Variants in GIPR observed in about 807,000 individuals in gnomAD.
GIPR encodes the protein GIP-R.
GIPR carries 74 observed loss-of-function variants against 62.2 expected under a neutral mutation model. That is an observed-to-expected ratio of 1.19 (90% confidence interval 0.99 to 1.44). The LOEUF is 1.44. GIPR is among the 40% of genes most tolerant of loss of function. GIPR has a pLI of 0.00. For synonymous variants in GIPR, 256 were observed against 262.2 expected (o/e 0.98, Z 0.23); for missense variants, 664 against 611.8 (o/e 1.09, Z -0.90).
rs748182574 is a variant in GIPR at position 45,671,202 on chromosome 19, A to AAGCACTTGGCCCACTGCGCAGT, written c.173-58_173-37dup. 2.1e-4 allele frequency: 176 copies of AAGCACTTGGCCCACTGCGCAGT among 829,644 alleles called. 1 individual carries two copies. In the Admixed American group the frequency reaches 2.1e-3, roughly 10 times the overall value. 51.4% of individuals were successfully genotyped at this position (829,644 alleles called of 1,614,324 possible). On this transcript the variant is annotated intron_variant, in intron 3 of 13. Coordinates refer to ENST00000590918, the MANE Select transcript of GIPR (RefSeq NM_000164.4). Reference sequence around the variant, plus strand: ...GAGAAGCACTTGGCCCACTGCGGAGAAGCACTTGGCCCACTGCGCAGTAGC... The same window carrying AAGCACTTGGCCCACTGCGCAGT: ...GAGAAGCACTTGGCCCACTGCGGAGAAGCACTTGGCCCACTGCGCAGTAGCACTTGGCCCACTGCGCAGTAGC...
intron 7 of GIPR, 122 bp downstream of exon 7, chr19:45,674,948 T>G (rs78902025): frequency 2.0e-6 from 2 of 978,734 alleles, no homozygotes; most frequent in East Asian, 5.1e-5. Context: ...GGAGGGTCCC[T>G]CTCCAAATGT....
chr19:45,674,508 G>A (rs2146082844), intron 6 of GIPR, 174 bp from the exon 7 acceptor site: 2 of 671,314 alleles, frequency 3.0e-6, no homozygotes. Context: ...GGGGGGCGCT[G>A]AGACAGGAGG....
rs751765954 is a variant in GIPR at position 45,681,649 on chromosome 19, G to A, written c.1194+4G>A. ...CTACTGCTTCATCAACAAGGAGGTA[G>A]GCAGAGACCCGGCCGCCGCCCCCGC... On this transcript the variant is annotated splice_donor_region_variant and intron_variant, in intron 13 of 13. Coordinates refer to ENST00000590918, the MANE Select transcript of GIPR (RefSeq NM_000164.4). 6.2e-7 allele frequency: 1 copy of A among 1,613,810 alleles called. No individual in the cohort carries two copies. Among genetic ancestry groups the A allele is most frequent in the Non-Finnish European group, 8.5e-7 (1 of 1,179,890 alleles).
At chr19:45,674,221 G>T in intron 6 of GIPR, 44 bp downstream of exon 6, 2 of 1,264,180 alleles carry the variant, frequency 1.6e-6, no homozygotes, top group Non-Finnish European at 2.3e-6. Flanking sequence ...ATGTGAGCTC[G>T]GCCTCAGTTT....
In GIPR at chr19:45,673,161, T is replaced by G. The variant is rs538136870; in HGVS notation, c.384+207T>G. Among the ~76,000 whole-genome samples, 4 of 152,326 alleles carry G rather than the reference T, an allele frequency of 2.6e-5. No individual in the cohort carries two copies. The South Asian group carries it at 8.3e-4, about 32-fold the overall frequency. On this transcript the variant is annotated intron_variant, in intron 5 of 13. Coordinates refer to ENST00000590918, the MANE Select transcript of GIPR (RefSeq NM_000164.4). ...ATGGCCGGGTGGTGTGGCTCACGCC[T>G]GTAATCCCAGCACTTTGGGAGGCCA...
intron 5 of GIPR, 129 bp from the exon 6 acceptor site, chr19:45,673,945 G>T (rs761050678): frequency 1.3e-6 from 1 of 763,608 alleles, no homozygotes. Flanking sequence ...TCTCAAATAA[G>T]GGTAAGCAGT....
At chr19:45,677,254 G>A (rs1212112427) in intron 8 of GIPR, 69 bp from the exon 9 acceptor site, 6 of 1,387,864 alleles carry the variant, frequency 4.3e-6, no homozygotes, top group Non-Finnish European at 6.0e-6. Context: ...CGGGTCTTGG[G>A]CCTGGCGGGG....
chr19:45,673,011 G>A, intron 5 of GIPR, 57 bp downstream of exon 5: 1 of 1,032,504 alleles, frequency 9.7e-7, no homozygotes, highest in South Asian at 1.3e-5. Context: ...AAAGGCAGTA[G>A]ATTCAGGCAG....
rs532738781 is a variant in GIPR, at chr19:45,673,622, T to C, written c.385-452T>C. 5.1e-4 allele frequency among the ~76,000 whole-genome samples: 78 copies of C among 151,926 alleles called. 1 individual carries two copies. The highest frequency in any genetic ancestry group is 1.7e-3 in the African/African-American group (71 of 41,428). On this transcript the variant is annotated intron_variant, in intron 5 of 13. Transcript: ENST00000590918. ...GGCTCATGCCTGTAATCCCAGCACTTTGGGAGGCCAAGGCGGGCGGATCAC... is the reference window on the plus strand; with the variant it reads ...GGCTCATGCCTGTAATCCCAGCACTCTGGGAGGCCAAGGCGGGCGGATCAC...
intron 12 of GIPR, among the ~76,000 whole-genome samples, chr19:45,679,622 A>G (rs527593759): frequency 1.1e-4 from 17 of 151,936 alleles, no homozygotes; most frequent in Non-Finnish European, 2.4e-4. Flanking sequence ...ATTTTTTTAG[A>G]GATGAGGTCT....
At chr19:45,672,671 C>A in intron 4 of GIPR, 180 bp from the exon 5 acceptor site, 1 of 616,038 alleles carries the variant, frequency 1.6e-6, no homozygotes, top group South Asian at 1.7e-5. Context: ...ATTCCATGGG[C>A]TAGTATGAAT....
chr19:45,670,829 C>T (rs931562984), intron 3 of GIPR, 95 bp downstream of exon 3: 26 of 773,758 alleles, frequency 3.4e-5, no homozygotes, highest in African/African-American at 6.9e-5. Flanking sequence ...GAAGAAATCT[C>T]GGGGCGCTGT....
At chr19:45,673,232 C>T (rs933578195) in intron 5 of GIPR, among the ~76,000 whole-genome samples, 2 of 151,448 alleles carry the variant, frequency 1.3e-5, no homozygotes, top group Admixed American at 6.6e-5. Context: ...CCAGCCTGGC[C>T]AACATGTCAA....
In GIPR at chr19:45,674,090, T is replaced by G; in HGVS notation, c.401T>G (p.Leu134Trp). ...NEAFLDQRLILERLQVMYTVG... is the reference protein window; with the variant it reads ...NEAFLDQRLIWERLQVMYTVG... ...CCCGACCAGGACCAAAGGCTCATCTTGGAGCGGTTGCAGGTCATGTACACT... is the reference window on the plus strand; with the variant it reads ...CCCGACCAGGACCAAAGGCTCATCTGGGAGCGGTTGCAGGTCATGTACACT... Residue 134 changes from leucine (L) to tryptophan (W), a missense_variant, in exon 6 of 14, where the codon TTG becomes TGG. Coordinates refer to ENST00000590918, the MANE Select transcript of GIPR (RefSeq NM_000164.4). The G allele has an allele frequency of 1.2e-6, 2 of 1,611,350 alleles. No individual in the cohort carries two copies. The highest frequency in any genetic ancestry group is 1.1e-5 in the South Asian group (1 of 91,020).
In GIPR at chr19:45,675,574, C is replaced by CAAAAAAAA. The variant is rs35162445; in HGVS notation, c.633+762_633+769dup. 6.2e-5 allele frequency among the ~76,000 whole-genome samples: 3 copies of CAAAAAAAA among 48,646 alleles called. 1 individual carries two copies. The highest frequency in any genetic ancestry group is 3.5e-5 in the Non-Finnish European group (1 of 28,750). 31.9% of individuals were successfully genotyped at this position (48,646 alleles called of 152,430 possible). ...TGGGTGACAGAGCAAGACTCCATCG[C>CAAAAAAAA]AAAAAAAAAAAAAAAAAAAAAGCCA... On this transcript the variant is annotated intron_variant, in intron 7 of 13. Transcript: ENST00000590918.
rs1356646342 is a variant in GIPR at position 45,677,381 on chromosome 19, G to T, written c.852G>T (p.Thr284=). The T allele has an allele frequency of 6.3e-7, 1 of 1,579,234 alleles. No homozygotes were observed. The highest frequency in any genetic ancestry group is 8.7e-7 in the Non-Finnish European group (1 of 1,150,836). ...WVIVRYLYEN[T]QCWERNEVKA... is the part of the protein sequence containing the mutation. ...TCGTCAGGTACCTGTACGAGAACACGCAGTGAGTTGCAGGGTCTGGGGCGG... is the reference window on the plus strand; with the variant it reads ...TCGTCAGGTACCTGTACGAGAACACTCAGTGAGTTGCAGGGTCTGGGGCGG... Residue 284 remains threonine, a splice_region_variant and synonymous_variant, in exon 9 of 14, where the codon ACG becomes ACT. Coordinates refer to ENST00000590918, the MANE Select transcript of GIPR (RefSeq NM_000164.4).
In GIPR at chr19:45,681,931, G is replaced by C; in HGVS notation, c.1397G>C (p.Cys466Ser). 1 of 1,558,412 alleles carries C rather than the reference G, an allele frequency of 6.4e-7. No homozygotes were observed. Among genetic ancestry groups the C allele is most frequent in the Non-Finnish European group, 8.7e-7 (1 of 1,150,186 alleles). The part of the protein sequence containing the change: ...NEASRELESY[C>S] ...GCCAGCCGGGAGTTGGAAAGTTACT[G>C]CTAGGGGGCGGGATCCCCGTGTCTG... is the stretch of plus-strand genomic sequence containing the variant. Residue 466 changes from cysteine to serine, a missense_variant, in exon 14 of 14, where the codon TGC becomes TCC. Coordinates refer to ENST00000590918, the MANE Select transcript of GIPR (RefSeq NM_000164.4).
intron 4 of GIPR, among the ~76,000 whole-genome samples, chr19:45,671,776 G>A (rs1251334782): frequency 7.0e-6 from 1 of 142,154 alleles, no homozygotes; most frequent in African/African-American, 2.6e-5. Context: ...CACCACACCC[G>A]GCTTTTTTTT....
chr19:45,673,757 T>C (rs1432221471), intron 5 of GIPR, among the ~76,000 whole-genome samples: 2 of 151,766 alleles, frequency 1.3e-5, no homozygotes, highest in Non-Finnish European at 2.9e-5. Flanking sequence ...CCAGCTACTC[T>C]GGAGGCTGGG....
Sources: gnomAD v4.1 joint callset for allele counts (sites outside exome capture counted in the v4.1 genomes callset) on GRCh38, gnomAD v4.1.1 for gene constraint, MANE v1.5 for transcripts, NCBI Gene and HGNC (gene_info 2026-07-23, HGNC 2026-07-21) for gene names.